The following CLYBL variants were observed in gnomAD, a reference collection of about 807,000 sequenced individuals.
CLYBL encodes the protein citramalyl-CoA lyase, mitochondrial.
In CLYBL, 31 loss-of-function variants were observed where a neutral mutation model predicts 38.9. The observed-to-expected ratio is 0.80, with a 90% CI of 0.60 to 1.08. CLYBL has a LOEUF of 1.08. Ranked by LOEUF, CLYBL falls within the 50% of genes least tolerant of loss-of-function variation. The pLI, the probability that CLYBL is intolerant of heterozygous loss-of-function variation, is 0.00. For missense variants in CLYBL, 434 were observed against 411.6 expected (o/e 1.05, Z -0.47); for synonymous variants, 171 against 158.6 (o/e 1.08, Z -0.59).
At chr13:99,837,945 ATAT>A (rs1439533300) in intron 2 of CLYBL, among the ~76,000 whole-genome samples, 1 of 152,194 alleles carries the variant, frequency 6.6e-6, no homozygotes, top group African/African-American at 2.4e-5. Flanking sequence ...TAAATTACAA[ATAT>A]TATTTTTTAC....
chr13:99,616,507 AGGCCTGTT>A (rs889535334), intron 1 of CLYBL, among the ~76,000 whole-genome samples: 15 of 152,332 alleles, frequency 9.8e-5, no homozygotes, highest in African/African-American at 3.6e-4. Flanking sequence ...AGACCTAAAA[AGGCCTGTT>A]GGCTACCGCG....
chr13:99,727,169 A>C (rs965316883), intron 1 of CLYBL: 11 of 151,994 alleles, frequency 7.2e-5, no homozygotes, highest in Admixed American at 2.6e-4. Flanking sequence ...AAAAAAAAAA[A>C]AAAACTTTGT....
At chr13:99,623,505 G>A (rs2046826508) in intron 1 of CLYBL, among the ~76,000 whole-genome samples, 1 of 151,978 alleles carries the variant, frequency 6.6e-6, no homozygotes, top group African/African-American at 2.4e-5. Flanking sequence ...TCCACTTACC[G>A]AGCATCATTG....
intron 1 of CLYBL, among the ~76,000 whole-genome samples, chr13:99,705,373 G>C (rs2048131199): frequency 1.3e-5 from 2 of 152,126 alleles, no homozygotes; most frequent in Admixed American, 1.3e-4. Context: ...CTGAGGTCAG[G>C]AGTTTAAGAC....
chr13:99,680,723 T>TA (rs2047722622), intron 1 of CLYBL, among the ~76,000 whole-genome samples: 1 of 152,206 alleles, frequency 6.6e-6, no homozygotes, highest in South Asian at 2.1e-4. Context: ...ATGGAATACC[T>TA]ATGCTCCATA....
At chr13:99,613,270 A>G (rs2139178260) in intron 1 of CLYBL, among the ~76,000 whole-genome samples, 1 of 152,242 alleles carries the variant, frequency 6.6e-6, no homozygotes, top group East Asian at 1.9e-4. Context: ...GGTACTTCAC[A>G]TTTTGCAGTG....
chr13:99,888,276 G>GTTTTATA (rs58228909), intron 7 of CLYBL, among the ~76,000 whole-genome samples: 89,347 of 151,376 alleles, frequency 0.59, 26,838 homozygotes, highest in African/African-American at 0.67. Context: ...TATGTTTTAT[G>GTTTTATA]TTTTTGCCAC....
In CLYBL at chr13:99,790,909, C is replaced by T. The variant is rs548936963; in HGVS notation, c.249+17899C>T. On this transcript the variant is annotated intron_variant, in intron 2 of 8. Transcript: ENST00000339105. Reference sequence around the variant, plus strand: ...TTTCTGTGTTGGGGTGAGGCATATCCGCCAATGGCTCCTGAGAAACGGCTT... The same window carrying T: ...TTTCTGTGTTGGGGTGAGGCATATCTGCCAATGGCTCCTGAGAAACGGCTT... 4.6e-5 allele frequency among the ~76,000 whole-genome samples: 7 copies of T among 152,224 alleles called. No homozygotes were observed. In the South Asian group the frequency reaches 6.2e-4, roughly 14 times the overall value.
At chr13:99,777,641 T>C (rs912472669) in intron 2 of CLYBL, among the ~76,000 whole-genome samples, 9 of 151,892 alleles carry the variant, frequency 5.9e-5, no homozygotes, top group African/African-American at 2.2e-4. Context: ...TACAGGCGCA[T>C]GCCACCACGC....
rs551922657 is a variant in CLYBL, at chr13:99,620,550, G to T, written c.62+13793G>T. Among the ~76,000 whole-genome samples, 9 of 152,320 alleles carry T rather than the reference G, an allele frequency of 5.9e-5. No individual in the cohort carries two copies. The South Asian group carries it at 1.9e-3, about 32-fold the overall frequency. ...CCAGCACTTTGGGAGGCCAAGATGGGCGGATCACGAGGTCAGGAGTTGGAG... is the reference window on the plus strand; with the variant it reads ...CCAGCACTTTGGGAGGCCAAGATGGTCGGATCACGAGGTCAGGAGTTGGAG... On this transcript the variant is annotated intron_variant, in intron 1 of 8. Transcript: ENST00000339105.
intron 2 of CLYBL, among the ~76,000 whole-genome samples, chr13:99,833,007 C>CATACATACATATATATAT (rs1189179465): frequency 1.9e-5 from 1 of 51,582 alleles, no homozygotes; most frequent in Non-Finnish European, 3.3e-5. Context: ...TACATACATA[C>CATACATACATATATATAT]ATATATATAT....
intron 2 of CLYBL, among the ~76,000 whole-genome samples, chr13:99,832,993 TAC>T (rs1178033867): frequency 6.8e-4 from 38 of 56,192 alleles, no homozygotes; most frequent in African/African-American, 1.8e-3. Context: ...AAGTAGTATA[TAC>T]ATACATACAT....
chr13:99,720,336 T>C (rs1226889023), intron 1 of CLYBL, among the ~76,000 whole-genome samples: 1 of 152,224 alleles, frequency 6.6e-6, no homozygotes, highest in Non-Finnish European at 1.5e-5. Context: ...ATTCCCTGTG[T>C]AGCATGTTAT....
At chr13:99,852,189 G>C (rs936440099) in intron 2 of CLYBL, among the ~76,000 whole-genome samples, 3 of 152,174 alleles carry the variant, frequency 2.0e-5, no homozygotes, top group African/African-American at 7.2e-5. Context: ...TTGGGGAAAC[G>C]GGAGTGACTT....
chr13:99,822,552 T>G (rs2050609034), intron 2 of CLYBL, among the ~76,000 whole-genome samples: 1 of 152,194 alleles, frequency 6.6e-6, no homozygotes, highest in Admixed American at 6.5e-5. Context: ...CCAGCAGACC[T>G]TAGCGAGTCT....
intron 1 of CLYBL, among the ~76,000 whole-genome samples, chr13:99,769,413 C>G (rs989193180): frequency 4.6e-5 from 7 of 152,238 alleles, no homozygotes; most frequent in Middle Eastern, 3.4e-3. Flanking sequence ...ACCATCTTCC[C>G]CCTCTCTTAG....
At chr13:99,880,703 T>A (rs2052182237) in intron 7 of CLYBL, among the ~76,000 whole-genome samples, 1 of 152,216 alleles carries the variant, frequency 6.6e-6, no homozygotes, top group African/African-American at 2.4e-5. Flanking sequence ...GTGGAGAAGA[T>A]GATCCCCCAT....
intron 2 of CLYBL, among the ~76,000 whole-genome samples, chr13:99,848,062 C>T (rs549988621): frequency 7.2e-5 from 11 of 152,178 alleles, no homozygotes; most frequent in Non-Finnish European, 1.3e-4. Context: ...CTCACTGTTC[C>T]TGCCGCTGCC....
downstream of CLYBL, among the ~76,000 whole-genome samples, chr13:99,901,845 A>T (rs549701012): frequency 9.0e-4 from 137 of 152,080 alleles, no homozygotes; most frequent in African/African-American, 3.0e-3. Context: ...TTTTTAGTAG[A>T]GACGGGGTTT....
Sources: allele counts gnomAD v4.1 joint callset (sites outside exome capture counted in the v4.1 genomes callset), GRCh38; gene constraint gnomAD v4.1.1; transcripts MANE v1.5; gene names NCBI Gene and HGNC (gene_info 2026-07-23, HGNC 2026-07-21).